The following EIPR1 variants were observed in gnomAD, a reference collection of about 807,000 sequenced individuals.
The protein encoded by EIPR1 is EARP complex and GARP complex interacting protein 1, also known as EARP and GARP complex-interacting protein 1.
A neutral mutation model predicts 48.1 loss-of-function variants in EIPR1; 25 were observed. The observed-to-expected ratio is 0.52, with a 90% confidence interval of 0.38 to 0.73. EIPR1 has a LOEUF of 0.73. EIPR1 is among the 30% of genes least tolerant of loss of function. The pLI, the probability that EIPR1 is intolerant of heterozygous loss-of-function variation, is 0.00. For synonymous variants in EIPR1, 204 were observed against 201.9 expected (o/e 1.01, Z -0.09); for missense variants, 415 against 506.2 (o/e 0.82, Z 1.73).
chr2:3,267,243 G>A (rs931501172), intron 3 of EIPR1, among the ~76,000 whole-genome samples: 1 of 152,228 alleles, frequency 6.6e-6, no homozygotes, highest in Non-Finnish European at 1.5e-5. Context: ...TCACTCCATG[G>A]CTACAGAGCC....
chr2:3,229,333 T>C (rs1317280345), intron 4 of EIPR1, among the ~76,000 whole-genome samples: 2 of 152,192 alleles, frequency 1.3e-5, no homozygotes, highest in Non-Finnish European at 2.9e-5. Flanking sequence ...CCTAACACAG[T>C]TGTTCTCTCC....
intron 4 of EIPR1, among the ~76,000 whole-genome samples, chr2:3,235,428 A>G (rs1373811733): frequency 1.9e-5 from 2 of 108,016 alleles, no homozygotes; most frequent in African/African-American, 3.3e-5. Context: ...GTGCGCACAC[A>G]CACACACACA....
chr2:3,210,519 C>T (rs570447597), intron 5 of EIPR1, among the ~76,000 whole-genome samples: 48 of 152,202 alleles, frequency 3.2e-4, no homozygotes, highest in African/African-American at 9.4e-4. Flanking sequence ...GGGATGAGCA[C>T]GCTTGGTTTC....
intron 3 of EIPR1, among the ~76,000 whole-genome samples, chr2:3,264,377 C>T (rs1558260236): frequency 6.6e-6 from 1 of 152,214 alleles, no homozygotes; most frequent in Non-Finnish European, 1.5e-5. Context: ...TCATCCGGCT[C>T]ATTAGCACTG....
chr2:3,296,469 C>T (rs1668601255), intron 3 of EIPR1, among the ~76,000 whole-genome samples: 1 of 144,688 alleles, frequency 6.9e-6, no homozygotes, highest in African/African-American at 2.6e-5. Context: ...CACACACACA[C>T]CCTCCATCCA....
chr2:3,255,209 C>T (rs1387256325), intron 4 of EIPR1, among the ~76,000 whole-genome samples: 3 of 146,770 alleles, frequency 2.0e-5, no homozygotes, highest in Non-Finnish European at 4.5e-5. Context: ...TTTTTTTAGA[C>T]GGAGTCTCTC....
intron 2 of EIPR1, 124 bp downstream of exon 2, chr2:3,354,426 A>G: frequency 1.2e-6 from 1 of 806,772 alleles, no homozygotes; most frequent in Admixed American, 2.6e-5. Context: ...AATCCAAATG[A>G]AAGTTTTATT....
intron 4 of EIPR1, among the ~76,000 whole-genome samples, chr2:3,245,282 G>A (rs956165703): frequency 6.6e-6 from 1 of 152,068 alleles, no homozygotes; most frequent in African/African-American, 2.4e-5. Context: ...GAGCGATCTG[G>A]GATCACTGCA....
intron 3 of EIPR1, among the ~76,000 whole-genome samples, chr2:3,278,222 G>A (rs1667915987): frequency 6.6e-6 from 1 of 152,202 alleles, no homozygotes; most frequent in South Asian, 2.1e-4. Flanking sequence ...GACGCAGGTG[G>A]ATGGCAAAGG....
At chr2:3,231,486 G>A (rs1322081425) in intron 4 of EIPR1, among the ~76,000 whole-genome samples, 2 of 152,090 alleles carry the variant, frequency 1.3e-5, no homozygotes, top group Non-Finnish European at 2.9e-5. Flanking sequence ...TGCCATATAT[G>A]GCTTTTATTA....
chr2:3,238,198 G>A (rs552679130), intron 4 of EIPR1, among the ~76,000 whole-genome samples: 33 of 152,294 alleles, frequency 2.2e-4, no homozygotes, highest in African/African-American at 6.5e-4. Context: ...CATCTGTTCC[G>A]AAAGGCATCC....
chr2:3,269,080 T>C, intron 3 of EIPR1, among the ~76,000 whole-genome samples: 1 of 152,176 alleles, frequency 6.6e-6, no homozygotes. Context: ...ACACAGTTCC[T>C]GGCTTCCCCA....
chr2:3,320,526 A>G (rs982584421), intron 3 of EIPR1: 3 of 152,462 alleles, frequency 2.0e-5, no homozygotes, highest in Non-Finnish European at 2.9e-5. Flanking sequence ...AACATTTATC[A>G]CTAACAAATG....
At chr2:3,228,798 C>T (rs1666148112) in intron 4 of EIPR1, among the ~76,000 whole-genome samples, 1 of 152,130 alleles carries the variant, frequency 6.6e-6, no homozygotes, top group South Asian at 2.1e-4. Context: ...TGGCATTTCC[C>T]CTGCTTGCAC....
rs561921094 is a variant in EIPR1 at position 3,194,299 on chromosome 2, G to A, written c.654-133C>T. ...CCCAGGGTGCTCTCATCCCCTCGGC[G>A]TTCCTGCCCTGCAGGAAGAGGCTGG... is the stretch of plus-strand genomic sequence containing the variant. On this transcript the variant is annotated intron_variant, in intron 6 of 8. Coordinates refer to ENST00000382125, the MANE Select transcript of EIPR1 (RefSeq NM_003310.5). 2,030 of 1,101,950 alleles carry A rather than the reference G, an allele frequency of 1.8e-3. 4 individuals are homozygous for A. Among genetic ancestry groups the A allele is most frequent in the Non-Finnish European group, 1.9e-3 (1,456 of 782,184 alleles). The allele number at this position is 1,101,950 out of a possible 1,614,324, so 68.3% of individuals were successfully genotyped here.
At chr2:3,326,920 G>A (rs911088416) in intron 3 of EIPR1, among the ~76,000 whole-genome samples, 3 of 152,242 alleles carry the variant, frequency 2.0e-5, no homozygotes, top group South Asian at 2.1e-4. Flanking sequence ...TCCCTCAAAC[G>A]GAGTCATGTT....
intron 5 of EIPR1, among the ~76,000 whole-genome samples, chr2:3,210,442 A>G (rs1426430759): frequency 6.6e-6 from 1 of 152,088 alleles, no homozygotes; most frequent in Non-Finnish European, 1.5e-5. Flanking sequence ...GCCACAGAGG[A>G]CAATGGACAG....
At chr2:3,200,675 G>C (rs143566034) in intron 5 of EIPR1, among the ~76,000 whole-genome samples, 1 of 151,912 alleles carries the variant, frequency 6.6e-6, no homozygotes, top group African/African-American at 2.4e-5. Flanking sequence ...GGGGGGCAGG[G>C]GCAGACACCA....
At chr2:3,345,218 G>A (rs144264390) in intron 2 of EIPR1, among the ~76,000 whole-genome samples, 43 of 152,270 alleles carry the variant, frequency 2.8e-4, no homozygotes, top group African/African-American at 4.1e-4. Context: ...CTGAAGTACC[G>A]GCTCTTCCTT....
Sources: gnomAD v4.1 joint callset for allele counts (sites outside exome capture counted in the v4.1 genomes callset) on GRCh38, gnomAD v4.1.1 for gene constraint, MANE v1.5 for transcripts, NCBI Gene and HGNC (gene_info 2026-07-23, HGNC 2026-07-21) for gene names.